Variants in CRB1 observed in about 807,000 individuals in gnomAD.
CRB1 encodes the protein protein crumbs homolog 1.
In CRB1, 83 loss-of-function variants were observed where a neutral mutation model predicts 120.0. The ratio of observed to expected loss-of-function variants is 0.69; its 90% CI spans 0.58 to 0.83. The LOEUF (loss-of-function observed/expected upper bound fraction) is 0.83, where lower values mean the gene tolerates loss of function less well. Ranked by LOEUF, CRB1 falls within the 40% of genes least tolerant of loss-of-function variation. CRB1 has a pLI of 0.00. For missense variants in CRB1, 1,699 were observed against 1,687.6 expected (o/e 1.01, Z -0.12); for synonymous variants, 625 against 612.5 (o/e 1.02, Z -0.30).
intron 1 of CRB1, among the ~76,000 whole-genome samples, chr1:197,324,847 T>C (rs1658403962): frequency 6.6e-6 from 1 of 152,174 alleles, no homozygotes; most frequent in Non-Finnish European, 1.5e-5. Flanking sequence ...CTGTCTACCA[T>C]AAAAATGTCC....
chr1:197,325,987 A>G (rs1293003035), intron 1 of CRB1, among the ~76,000 whole-genome samples: 1 of 152,178 alleles, frequency 6.6e-6, no homozygotes, highest in Admixed American at 6.6e-5. Flanking sequence ...CTAGGGAGAG[A>G]ATTAAGTTAG....
At chr1:197,206,211 T>G in the CRB1 span, among the ~76,000 whole-genome samples, 1 of 152,136 alleles carries the variant, frequency 6.6e-6, no homozygotes, top group Non-Finnish European at 1.5e-5. Flanking sequence ...AACCAGCTTT[T>G]TGTTTTATTT....
At chr1:197,277,694 T>C (rs1033995546) in intron 1 of CRB1, among the ~76,000 whole-genome samples, 1 of 152,014 alleles carries the variant, frequency 6.6e-6, no homozygotes, top group Non-Finnish European at 1.5e-5. Flanking sequence ...TATTCAGCAT[T>C]AATTTTTATA....
chr1:197,379,622 A>C (rs1227470086), intron 5 of CRB1, among the ~76,000 whole-genome samples: 1 of 152,002 alleles, frequency 6.6e-6, no homozygotes, highest in East Asian at 1.9e-4. Flanking sequence ...AAAAAAAAAA[A>C]AAAAAAACCA....
chr1:197,272,095 G>T (rs1322562610), intron 1 of CRB1, among the ~76,000 whole-genome samples: 1 of 152,040 alleles, frequency 6.6e-6, no homozygotes, highest in Non-Finnish European at 1.5e-5. Context: ...AACAAATAGA[G>T]ATTAAATAAG....
At chr1:197,417,899 GCAGA>G (rs1379516062) in intron 5 of CRB1, among the ~76,000 whole-genome samples, 2 of 152,126 alleles carry the variant, frequency 1.3e-5, no homozygotes, top group Non-Finnish European at 2.9e-5. Flanking sequence ...AGTTAGCCTA[GCAGA>G]CAAAGACGAT....
At chr1:197,228,875 G>A in the CRB1 span, among the ~76,000 whole-genome samples, 1,087 of 152,282 alleles carry the variant, frequency 7.1e-3, 12 homozygotes, top group African/African-American at 0.024. Flanking sequence ...CACTTTTTAC[G>A]TGGTGGCAGC....
At chr1:197,393,156 C>T (rs1411081828) in intron 5 of CRB1, among the ~76,000 whole-genome samples, 1 of 152,012 alleles carries the variant, frequency 6.6e-6, no homozygotes, top group Non-Finnish European at 1.5e-5. Context: ...AATAGATTAA[C>T]ATCTAAAAGC....
the CRB1 span, among the ~76,000 whole-genome samples, chr1:197,240,610 A>G: frequency 6.6e-6 from 1 of 152,082 alleles, no homozygotes; most frequent in Non-Finnish European, 1.5e-5. Flanking sequence ...TATCCAGTCT[A>G]TCATTGATGC....
At chr1:197,429,020 G>A in intron 7 of CRB1, 1 of 1,509,954 alleles carries the variant, frequency 6.6e-7, no homozygotes. Flanking sequence ...GGATCCAGAG[G>A]ACCTAAGTAC....
chr1:197,353,856 C>T (rs2125345989), intron 4 of CRB1, among the ~76,000 whole-genome samples: 1 of 142,756 alleles, frequency 7.0e-6, no homozygotes, highest in East Asian at 2.0e-4. Flanking sequence ...ATTTCTTTTA[C>T]CACGTTACAA....
intron 11 of CRB1, among the ~76,000 whole-genome samples, chr1:197,446,930 G>A (rs76990132): frequency 2.0e-5 from 3 of 151,908 alleles, no homozygotes; most frequent in Non-Finnish European, 2.9e-5. Flanking sequence ...GGCATATCAG[G>A]GTGTATATAT....
intron 5 of CRB1, among the ~76,000 whole-genome samples, chr1:197,410,334 G>A (rs187752742): frequency 6.6e-6 from 1 of 152,242 alleles, no homozygotes; most frequent in Admixed American, 6.5e-5. Flanking sequence ...ACACTTTTAG[G>A]ACACATCTTC....
intron 5 of CRB1, among the ~76,000 whole-genome samples, chr1:197,362,079 A>G (rs1230773849): frequency 6.6e-6 from 1 of 151,980 alleles, no homozygotes; most frequent in Non-Finnish European, 1.5e-5. Flanking sequence ...TTCCTTTTTG[A>G]CATCCTTTTT....
At chr1:197,436,800 A>G (rs1558140163) in intron 9 of CRB1, among the ~76,000 whole-genome samples, 1 of 152,176 alleles carries the variant, frequency 6.6e-6, no homozygotes, top group Non-Finnish European at 1.5e-5. Context: ...AACTTACAGA[A>G]TTGTAATAAG....
At chr1:197,204,264 T>C in the CRB1 span, among the ~76,000 whole-genome samples, 3 of 152,344 alleles carry the variant, frequency 2.0e-5, no homozygotes, top group South Asian at 6.2e-4. Flanking sequence ...CGTGTGCAAA[T>C]ATATTTTTCG....
chr1:197,220,156 GA>G, the CRB1 span, among the ~76,000 whole-genome samples: 2 of 150,268 alleles, frequency 1.3e-5, no homozygotes, highest in Admixed American at 6.6e-5. Context: ...GAGGCTGAAA[GA>G]AAAAAAATTA....
intron 11 of CRB1, chr1:197,442,506 A>C: frequency 1.4e-6 from 2 of 1,468,182 alleles, no homozygotes; most frequent in Non-Finnish European, 1.8e-6. Context: ...GGGAAGAAAA[A>C]GGAAATAAAA....
In CRB1 at chr1:197,419,879, G is replaced by A. The variant is rs184717973; in HGVS notation, c.1172-1121G>A. ...AGTCCAAGCTACTCGGGAGGCTGAG[G>A]CAGGAGAATGGTGTAAACCCGGGAG... On this transcript the variant is annotated intron_variant, in intron 5 of 11. Transcript: ENST00000367400. Among the ~76,000 whole-genome samples the A allele has an allele frequency of 4.2e-3, 634 of 151,640 alleles. 4 individuals carry two copies. The highest frequency in any genetic ancestry group is 0.013 in the African/African-American group (553 of 41,360).
Sources: gnomAD v4.1 joint callset for allele counts (sites outside exome capture counted in the v4.1 genomes callset) on GRCh38, gnomAD v4.1.1 for gene constraint, MANE v1.5 for transcripts, NCBI Gene and HGNC (gene_info 2026-07-23, HGNC 2026-07-21) for gene names.